NLGN1: variants seen among roughly 807,000 people sequenced by gnomAD.
NLGN1 encodes neuroligin-1.
In NLGN1, 12 loss-of-function variants were observed where a neutral mutation model predicts 65.5. That is an observed-to-expected ratio of 0.18 (90% CI 0.12 to 0.30). The LOEUF (loss-of-function observed/expected upper bound fraction) is 0.30. NLGN1 is among the 10% of genes least tolerant of loss of function. The probability of loss-of-function intolerance (pLI) is 1.00; values close to 1 mark genes in which losing one functional copy is unlikely to be tolerated. For synonymous variants in NLGN1, 350 were observed against 359.5 expected, an observed-to-expected ratio of 0.97 and a Z score of 0.30; for missense variants, 750 against 1,007.1, an observed-to-expected ratio of 0.74 and a Z score of 3.46.
In NLGN1 at chr3:173,993,615, A is replaced by G. The variant is rs567767429; in HGVS notation, c.646+185783A>G. On this transcript the variant is annotated intron_variant, in intron 4 of 6. Transcript: ENST00000457714. ...GTTTTCTTTTGGATACTTTGGCCTT[A>G]TTCAAAACAGAATATAGATAGAAAG... Among the ~76,000 whole-genome samples, 47 of 151,790 alleles carry G rather than the reference A, an allele frequency of 3.1e-4. No homozygotes were observed. The South Asian group carries it at 4.2e-3, about 13-fold the overall frequency.
chr3:173,958,383 G>A (rs955762775), intron 4 of NLGN1, among the ~76,000 whole-genome samples: 1 of 152,094 alleles, frequency 6.6e-6, no homozygotes, highest in Non-Finnish European at 1.5e-5. Context: ...CCACTGGCAG[G>A]GTATCCTGAT....
chr3:173,585,663 C>T (rs1165565751), intron 2 of NLGN1, among the ~76,000 whole-genome samples: 1 of 152,174 alleles, frequency 6.6e-6, no homozygotes, highest in African/African-American at 2.4e-5. Flanking sequence ...CGAGTTGGAG[C>T]AGCCCAGGAA....
chr3:174,162,497 G>A (rs1371326155), intron 4 of NLGN1, among the ~76,000 whole-genome samples: 1 of 151,878 alleles, frequency 6.6e-6, no homozygotes, highest in African/African-American at 2.4e-5. Context: ...AAATCATTAT[G>A]TTTGTTCTGC....
chr3:173,662,483 G>A (rs1227611349), intron 3 of NLGN1, among the ~76,000 whole-genome samples: 1 of 151,816 alleles, frequency 6.6e-6, no homozygotes, highest in Non-Finnish European at 1.5e-5. Context: ...AAAATTATTG[G>A]AATAATTTGT....
intron 4 of NLGN1, among the ~76,000 whole-genome samples, chr3:174,171,263 T>C (rs1180256041): frequency 6.6e-6 from 1 of 152,188 alleles, no homozygotes; most frequent in Admixed American, 6.6e-5. Flanking sequence ...GAGAATTGTA[T>C]GGAAAACATA....
At chr3:173,424,114 T>C (rs2861259) in intron 1 of NLGN1, among the ~76,000 whole-genome samples, 44 of 152,310 alleles carry the variant, frequency 2.9e-4, no homozygotes, top group African/African-American at 1.0e-3. Context: ...TTGCCTCAGC[T>C]GTAACCTTGG....
intron 4 of NLGN1, among the ~76,000 whole-genome samples, chr3:173,866,083 C>G (rs1730106369): frequency 1.3e-5 from 2 of 152,152 alleles, no homozygotes; most frequent in Admixed American, 1.3e-4. Flanking sequence ...CTGCTTCTTT[C>G]CCTTGAGCCT....
chr3:173,945,831 C>T (rs1350260267), intron 4 of NLGN1, among the ~76,000 whole-genome samples: 1 of 152,194 alleles, frequency 6.6e-6, no homozygotes, highest in Non-Finnish European at 1.5e-5. Flanking sequence ...AGCTGTCAAT[C>T]TTCCACTCTA....
At chr3:174,257,868 C>A (rs1433266457) in intron 4 of NLGN1, among the ~76,000 whole-genome samples, 1 of 150,434 alleles carries the variant, frequency 6.6e-6, no homozygotes, top group African/African-American at 2.4e-5. Context: ...AAGTATTGAT[C>A]CTGGGATGAT....
intron 2 of NLGN1, among the ~76,000 whole-genome samples, chr3:173,463,657 G>A (rs529558440): frequency 3.3e-5 from 5 of 152,180 alleles, no homozygotes; most frequent in East Asian, 1.9e-4. Flanking sequence ...AGGATCCCTC[G>A]GGATTCCTGG....
intron 3 of NLGN1, among the ~76,000 whole-genome samples, chr3:173,640,726 A>G (rs1757277380): frequency 6.6e-6 from 1 of 152,132 alleles, no homozygotes; most frequent in Non-Finnish European, 1.5e-5. Context: ...TAGTTGCCCC[A>G]CATTCTAATT....
At chr3:173,454,968 G>T (rs767241232) in intron 2 of NLGN1, among the ~76,000 whole-genome samples, 3 of 152,154 alleles carry the variant, frequency 2.0e-5, no homozygotes, top group Admixed American at 6.5e-5. Context: ...GTGTCTTAGG[G>T]AATAGGGAGG....
At chr3:174,088,423 A>G (rs780528128) in intron 4 of NLGN1, among the ~76,000 whole-genome samples, 1 of 152,160 alleles carries the variant, frequency 6.6e-6, no homozygotes, top group Non-Finnish European at 1.5e-5. Flanking sequence ...TGTCAAAAGA[A>G]AAGAGAGAGA....
chr3:173,970,287 T>C (rs892546638), intron 4 of NLGN1, among the ~76,000 whole-genome samples: 10 of 152,122 alleles, frequency 6.6e-5, no homozygotes, highest in African/African-American at 2.4e-4. Context: ...TATTTTGTGG[T>C]AAATGCAGTG....
At chr3:173,446,780 A>T (rs1014722682) in intron 2 of NLGN1, among the ~76,000 whole-genome samples, 1 of 152,128 alleles carries the variant, frequency 6.6e-6, no homozygotes, top group African/African-American at 2.4e-5. Flanking sequence ...ATGGGATCTC[A>T]TTGTGGTTTT....
At chr3:174,053,911 A>G (rs1173987131) in intron 4 of NLGN1, among the ~76,000 whole-genome samples, 1 of 152,014 alleles carries the variant, frequency 6.6e-6, no homozygotes, top group Non-Finnish European at 1.5e-5. Context: ...AATTTTCAAT[A>G]TAAGGATTTC....
intron 4 of NLGN1, among the ~76,000 whole-genome samples, chr3:173,972,842 A>C (rs1218977636): frequency 6.6e-6 from 1 of 152,076 alleles, no homozygotes; most frequent in South Asian, 2.1e-4. Context: ...TATACATCCA[A>C]CTCCTTAAGT....
At chr3:174,206,453 G>T (rs1577354876) in intron 4 of NLGN1, among the ~76,000 whole-genome samples, 1 of 151,978 alleles carries the variant, frequency 6.6e-6, no homozygotes, top group East Asian at 1.9e-4. Flanking sequence ...TACACCAGGG[G>T]GTTCATAGCC....
intron 2 of NLGN1, among the ~76,000 whole-genome samples, chr3:173,445,877 C>G (rs1720177619): frequency 2.6e-5 from 4 of 152,110 alleles, no homozygotes; most frequent in Admixed American, 2.6e-4. Context: ...TATGATTGCT[C>G]TTCTTTAGTT....
Sources: gnomAD v4.1 joint callset for allele counts (sites outside exome capture counted in the v4.1 genomes callset) on GRCh38, gnomAD v4.1.1 for gene constraint, MANE v1.5 for transcripts, NCBI Gene and HGNC (gene_info 2026-07-23, HGNC 2026-07-21) for gene names.